The following BPTF variants were observed in gnomAD, a reference collection of about 807,000 sequenced individuals.
BPTF encodes the protein nucleosome-remodeling factor subunit BPTF.
Under a neutral mutation model 292.5 loss-of-function variants are expected in BPTF, and 18 were observed. The observed-to-expected ratio is 0.06, with a 90% CI of 0.04 to 0.09. The LOEUF is 0.09. Among genes scored for constraint, BPTF ranks in the 10% least tolerant of loss-of-function variants. The probability of loss-of-function intolerance (pLI) is 1.00; values close to 1 mark genes in which losing one functional copy is unlikely to be tolerated. For synonymous variants in BPTF, 1,225 were observed against 1,251.9 expected, an observed-to-expected ratio of 0.98 and a Z score of 0.45; for missense variants, 2,726 against 3,498.7, an observed-to-expected ratio of 0.78 and a Z score of 5.57.
chr17:67,919,654 A>G (rs2063305320), intron 12 of BPTF, among the ~76,000 whole-genome samples: 1 of 152,252 alleles, frequency 6.6e-6, no homozygotes, highest in Non-Finnish European at 1.5e-5. Context: ...TGTGTGAACC[A>G]GTCTACATTT....
chr17:67,896,848 A>G (rs937463978), intron 7 of BPTF, among the ~76,000 whole-genome samples: 1 of 152,226 alleles, frequency 6.6e-6, no homozygotes, highest in Non-Finnish European at 1.5e-5. Flanking sequence ...ATTAGAAAAG[A>G]AAAACTGCAA....
At position 67,908,804 on chromosome 17, in the gene BPTF, C is replaced by A. The variant is rs994217173; in HGVS notation, c.2813-778C>A. ...CTACACCCATCCAAATTTTATCACT[C>A]TTGTTTCAGTTGTCACTGACAATTT... On this transcript the variant is annotated intron_variant, in intron 9 of 27. Coordinates refer to ENST00000306378, the MANE Select transcript of BPTF (RefSeq NM_182641.4). Among the ~76,000 whole-genome samples, 5 of 132,216 alleles carry A rather than the reference C, an allele frequency of 3.8e-5. No individual in the cohort carries two copies. The Admixed American group carries it at 3.9e-4, about 10-fold the overall frequency. The allele number at this position is 132,216 out of a possible 152,430, so 86.7% of individuals were successfully genotyped here.
rs777000270 is a variant in BPTF at position 67,909,781 on chromosome 17, G to A, written c.2992+20G>A. On this transcript the variant is annotated intron_variant, in intron 10 of 27. Transcript: ENST00000306378. Reference sequence around the variant, plus strand: ...ACCAAGGTAAGGAGAGTCAGCTGTGGAGGGCAGCCTGGGGGTGATAAGAAT... The same window carrying A: ...ACCAAGGTAAGGAGAGTCAGCTGTGAAGGGCAGCCTGGGGGTGATAAGAAT... 2 of 1,520,358 alleles carry A rather than the reference G, an allele frequency of 1.3e-6. No individual in the cohort carries two copies. The highest frequency in any genetic ancestry group is 1.8e-6 in the Non-Finnish European group (2 of 1,136,292). 94.2% of individuals were successfully genotyped at this position (1,520,358 alleles called of 1,614,324 possible).
chr17:67,962,072 G>C (rs544360238), intron 24 of BPTF, among the ~76,000 whole-genome samples: 1 of 152,342 alleles, frequency 6.6e-6, no homozygotes, highest in Admixed American at 6.5e-5. Context: ...GAGCCTGGGA[G>C]GTCCAGGCTG....
intron 18 of BPTF, among the ~76,000 whole-genome samples, chr17:67,935,392 A>G (rs2064830129): frequency 6.6e-6 from 1 of 152,016 alleles, no homozygotes. Context: ...TTGCCACTGC[A>G]CCTCCAGCCT....
Position 67,912,452 on chromosome 17 carries a change from C to G in BPTF, c.4568C>G (p.Pro1523Arg), listed in dbSNP as rs1426498270. ...ACGACCACACCCTCAGCATCTTGTC[C>G]AGAAAGCAATTCAGTTAATCAGGTA... ...TQTTTPSASC[P>R]ESNSVNQVED... Residue 1523 changes from proline (P) to arginine (R), a missense_variant, in exon 11 of 28, where the codon CCA becomes CGA. By Grantham distance (103) the Pro-to-Arg change is moderately radical. Around this residue, in one of 22 missense-constraint regions of BPTF, gnomAD observed 713 missense variants for 714.9 expected, o/e 1.00. Transcript: ENST00000306378. 3 of 1,613,690 alleles carry G rather than the reference C, an allele frequency of 1.9e-6. No individual in the cohort carries two copies. Among genetic ancestry groups the G allele is most frequent in the Non-Finnish European group, 1.7e-6 (2 of 1,179,948 alleles).
intron 4 of BPTF, among the ~76,000 whole-genome samples, chr17:67,889,196 T>A (rs904370329): frequency 6.6e-6 from 1 of 152,174 alleles, no homozygotes; most frequent in African/African-American, 2.4e-5. Context: ...ATATGGCCTT[T>A]GGGCAGAGGG....
intron 27 of BPTF, among the ~76,000 whole-genome samples, chr17:67,977,235 C>T (rs143607275): frequency 2.3e-3 from 350 of 152,264 alleles, no homozygotes; most frequent in African/African-American, 8.0e-3. Flanking sequence ...GTGCTATTGG[C>T]CAGGCATGGT....
intron 7 of BPTF, among the ~76,000 whole-genome samples, chr17:67,901,655 A>G (rs2061851400): frequency 6.6e-6 from 1 of 152,364 alleles, no homozygotes; most frequent in South Asian, 2.1e-4. Context: ...GCCAGTAGAC[A>G]TAAAAAATGA....
intron 3 of BPTF, among the ~76,000 whole-genome samples, chr17:67,867,573 C>T (rs1191669349): frequency 6.6e-6 from 1 of 152,126 alleles, no homozygotes; most frequent in Non-Finnish European, 1.5e-5. Flanking sequence ...CCTCATGATC[C>T]TGTACCACTT....
chr17:67,889,595 G>T (rs1294160261), intron 4 of BPTF, among the ~76,000 whole-genome samples: 1 of 152,066 alleles, frequency 6.6e-6, no homozygotes, highest in Non-Finnish European at 1.5e-5. Flanking sequence ...ATCACTGGAG[G>T]TCAGGGGTTC....
At chr17:67,934,870 C>CAAAAAAAAAAAAAAAA (rs569120237) in intron 18 of BPTF, among the ~76,000 whole-genome samples, 2 of 91,050 alleles carry the variant, frequency 2.2e-5, no homozygotes, top group African/African-American at 1.1e-4. Flanking sequence ...AACTCTGTCT[C>CAAAAAAAAAAAAAAAA]AAAAAAAAAA....
chr17:67,884,250 C>T (rs1168235013), intron 4 of BPTF, among the ~76,000 whole-genome samples: 1 of 150,848 alleles, frequency 6.6e-6, no homozygotes, highest in Non-Finnish European at 1.5e-5. Context: ...GGATTACAGG[C>T]ATGCACCACC....
At chr17:67,847,157 C>T (rs2058083987) in intron 1 of BPTF, among the ~76,000 whole-genome samples, 1 of 152,106 alleles carries the variant, frequency 6.6e-6, no homozygotes, top group East Asian at 1.9e-4. Context: ...TGGAGTTGAT[C>T]TGAGGATAAA....
At chr17:67,971,553 C>T (rs564603833) in intron 26 of BPTF, among the ~76,000 whole-genome samples, 1 of 151,662 alleles carries the variant, frequency 6.6e-6, no homozygotes, top group East Asian at 1.9e-4. Flanking sequence ...TGCCTGTAAT[C>T]CCAGCCCTTT....
chr17:67,827,314 C>T (rs1567844708), intron 1 of BPTF, among the ~76,000 whole-genome samples: 1 of 152,160 alleles, frequency 6.6e-6, no homozygotes, highest in Non-Finnish European at 1.5e-5. Flanking sequence ...AAAAAGCCCT[C>T]CCGAAATCCG....
intron 7 of BPTF, 52 bp downstream of exon 7, chr17:67,894,217 A>C (rs774479300): frequency 6.5e-7 from 1 of 1,541,170 alleles, no homozygotes. Flanking sequence ...CCCTTTTGAA[A>C]TACTAGCCTA....
chr17:67,872,565 G>A (rs570096026), intron 3 of BPTF, among the ~76,000 whole-genome samples: 40 of 152,174 alleles, frequency 2.6e-4, no homozygotes, highest in Non-Finnish European at 4.7e-4. Context: ...AATTAGCCAG[G>A]TGTGGTGGTA....
At chr17:67,846,058 C>A (rs1055996676) in intron 1 of BPTF, among the ~76,000 whole-genome samples, 3 of 152,034 alleles carry the variant, frequency 2.0e-5, no homozygotes, top group Non-Finnish European at 4.4e-5. Context: ...AAAATTTTTT[C>A]TTGAATATAG....
Sources: allele counts gnomAD v4.1 joint callset (sites outside exome capture counted in the v4.1 genomes callset), GRCh38; gene constraint gnomAD v4.1.1; regional missense constraint gnomAD v4.1.1; transcripts MANE v1.5; gene names NCBI Gene and HGNC (gene_info 2026-07-23, HGNC 2026-07-21).